DNAH6: variants seen among roughly 807,000 people sequenced by gnomAD.
DNAH6 encodes the protein dynein axonemal heavy chain 6, also known as axonemal beta dynein heavy chain 6.
Under a neutral mutation model 491.4 loss-of-function variants are expected in DNAH6, and 340 were observed. That is an observed-to-expected ratio of 0.69 (90% CI 0.63 to 0.76). DNAH6 has a LOEUF of 0.76. Ranked by LOEUF, DNAH6 falls within the 30% of genes least tolerant of loss-of-function variation. The pLI, the probability that DNAH6 is intolerant of heterozygous loss-of-function variation, is 0.00. For synonymous variants in DNAH6, 1,603 were observed against 1,686.1 expected, an observed-to-expected ratio of 0.95 and a Z score of 1.21; for missense variants, 4,443 against 4,972.2, an observed-to-expected ratio of 0.89 and a Z score of 3.20.
upstream of DNAH6, among the ~76,000 whole-genome samples, chr2:84,512,016 A>G (rs1465096270): frequency 4.6e-5 from 7 of 152,190 alleles, no homozygotes; most frequent in South Asian, 6.2e-4. Flanking sequence ...GACCTAACAC[A>G]TGGTCTTTCC....
In DNAH6 at chr2:84,622,199, T is replaced by C. The variant is rs192537720; in HGVS notation, c.4071+648T>C. Among the ~76,000 whole-genome samples, 526 of 152,348 alleles carry C rather than the reference T, an allele frequency of 3.5e-3. 1 individual carries two copies. The highest frequency in any genetic ancestry group is 4.4e-3 in the Non-Finnish European group (301 of 68,034). ...ATAAATAGATCATGCAGGATTATCC[T>C]TCTATGACTGACTCATTTCATTTAG... On this transcript the variant is annotated intron_variant, in intron 26 of 76. Transcript: ENST00000389394.
chr2:84,595,861 T>C, intron 18 of DNAH6, 72 bp downstream of exon 18: 1 of 1,385,308 alleles, frequency 7.2e-7, no homozygotes, highest in Non-Finnish European at 9.4e-7. Flanking sequence ...GAGACCAAAA[T>C]CAGGAATTTT....
chr2:84,631,782 G>A (rs1486554741), intron 29 of DNAH6, among the ~76,000 whole-genome samples: 2 of 152,130 alleles, frequency 1.3e-5, no homozygotes, highest in Admixed American at 6.5e-5. Flanking sequence ...CAGACTTCTA[G>A]CCTCTAGAAC....
intron 12 of DNAH6, among the ~76,000 whole-genome samples, chr2:84,575,484 T>A (rs1399167724): frequency 6.6e-6 from 1 of 152,214 alleles, no homozygotes; most frequent in African/African-American, 2.4e-5. Context: ...ATTACCATTT[T>A]ATAAAAGGAA....
At chr2:84,662,631 C>T (rs933167133) in intron 37 of DNAH6, among the ~76,000 whole-genome samples, 1 of 152,220 alleles carries the variant, frequency 6.6e-6, no homozygotes, top group African/African-American at 2.4e-5. Context: ...GAGCCCACCA[C>T]AGCTCAAGGA....
At chr2:84,724,802 A>G (rs1698472627) in intron 60 of DNAH6, among the ~76,000 whole-genome samples, 1 of 152,152 alleles carries the variant, frequency 6.6e-6, no homozygotes, top group African/African-American at 2.4e-5. Flanking sequence ...CGTTCAAAGA[A>G]ACCAAGATGG....
intron 76 of DNAH6, among the ~76,000 whole-genome samples, chr2:84,819,081 A>C (rs938368549): frequency 6.7e-6 from 1 of 149,516 alleles, no homozygotes; most frequent in Non-Finnish European, 1.5e-5. Context: ...TCTCGAAAAA[A>C]AAAATTCTAT....
intron 33 of DNAH6, among the ~76,000 whole-genome samples, chr2:84,647,253 A>G (rs571532077): frequency 6.6e-6 from 1 of 152,316 alleles, no homozygotes; most frequent in East Asian, 1.9e-4. Flanking sequence ...GAAGCAAAGA[A>G]GCTATTTCCA....
intron 62 of DNAH6, 114 bp downstream of exon 62, chr2:84,733,693 CT>C: frequency 1.0e-6 from 1 of 980,838 alleles, no homozygotes; most frequent in Non-Finnish European, 1.4e-6. Flanking sequence ...TAGGAACTTC[CT>C]TCATTTCTAA....
chr2:84,624,154 A>T, intron 26 of DNAH6, 111 bp from the exon 27 acceptor site: 2 of 987,382 alleles, frequency 2.0e-6, no homozygotes, highest in South Asian at 1.8e-5. Flanking sequence ...ATAGATTCTT[A>T]AAATTAGCTG....
At chr2:84,802,187 C>T (rs952685144) in intron 70 of DNAH6, among the ~76,000 whole-genome samples, 1 of 152,134 alleles carries the variant, frequency 6.6e-6, no homozygotes, top group African/African-American at 2.4e-5. Context: ...AACACCACAA[C>T]AAAAACAACA....
At chr2:84,722,885 G>A (rs944260439) in intron 60 of DNAH6, 81 bp downstream of exon 60, 8 of 869,054 alleles carry the variant, frequency 9.2e-6, no homozygotes, top group East Asian at 3.0e-5. Context: ...CTTCACATAA[G>A]CCATAAGTCT....
intron 4 of DNAH6, among the ~76,000 whole-genome samples, chr2:84,530,033 C>T (rs1677007522): frequency 6.6e-6 from 1 of 152,136 alleles, no homozygotes; most frequent in Admixed American, 6.6e-5. Context: ...GTAGGAAGGA[C>T]AGAAATGCTT....
intron 59 of DNAH6, among the ~76,000 whole-genome samples, chr2:84,718,761 T>A (rs1459511579): frequency 6.6e-6 from 1 of 152,236 alleles, no homozygotes; most frequent in Non-Finnish European, 1.5e-5. Flanking sequence ...CTTATCTGGA[T>A]CTCTACTACA....
intron 64 of DNAH6, among the ~76,000 whole-genome samples, chr2:84,767,378 A>G (rs1245906321): frequency 6.6e-6 from 1 of 151,924 alleles, no homozygotes. Flanking sequence ...CAAAAAAGTT[A>G]GCCAGGTGGA....
intron 48 of DNAH6, among the ~76,000 whole-genome samples, chr2:84,700,569 C>A (rs959282534): frequency 2.0e-5 from 3 of 152,182 alleles, no homozygotes; most frequent in African/African-American, 7.2e-5. Context: ...CTGCACTAAG[C>A]TAATTATCAA....
chr2:84,766,513 A>G (rs1228390074), intron 64 of DNAH6, among the ~76,000 whole-genome samples: 1 of 152,238 alleles, frequency 6.6e-6, no homozygotes, highest in African/African-American at 2.4e-5. Context: ...TGTAGGATGT[A>G]GTAATGTGGC....
chr2:84,676,746 TA>T (rs1693267638), intron 40 of DNAH6, among the ~76,000 whole-genome samples: 1 of 152,234 alleles, frequency 6.6e-6, no homozygotes, highest in Non-Finnish European at 1.5e-5. Context: ...CAGTTTCACA[TA>T]AAGGTATTTA....
At chr2:84,802,910 T>C (rs924353437) in intron 70 of DNAH6, among the ~76,000 whole-genome samples, 1 of 152,094 alleles carries the variant, frequency 6.6e-6, no homozygotes, top group African/African-American at 2.4e-5. Context: ...AAAGGAACTC[T>C]CAAAACCACA....
Sources: gnomAD v4.1 joint callset for allele counts (sites outside exome capture counted in the v4.1 genomes callset) on GRCh38, gnomAD v4.1.1 for gene constraint, MANE v1.5 for transcripts, NCBI Gene and HGNC (gene_info 2026-07-23, HGNC 2026-07-21) for gene names.